The following SUN3 variants were observed in gnomAD, a reference collection of about 807,000 sequenced individuals.
SUN3 encodes SUN domain-containing protein 3.
SUN3 carries 36 observed loss-of-function variants against 48.2 expected under a neutral mutation model. That is an observed-to-expected ratio of 0.75 (90% CI 0.57 to 0.99). SUN3 has a LOEUF of 0.99. Among genes scored for constraint, SUN3 ranks in the 50% least tolerant of loss-of-function variants. The pLI is 0.00. For synonymous variants in SUN3, 148 were observed against 147.9 expected (o/e 1.00, Z 0.00); for missense variants, 419 against 433.1 (o/e 0.97, Z 0.29).
intron 2 of SUN3, among the ~76,000 whole-genome samples, chr7:48,023,002 G>A (rs1790042425): frequency 6.6e-6 from 1 of 152,132 alleles, no homozygotes. Context: ...TTCAGGAAGT[G>A]CTAAAGGGAT....
intron 6 of SUN3, among the ~76,000 whole-genome samples, chr7:47,999,718 A>G (rs1486801175): frequency 6.6e-6 from 1 of 152,008 alleles, no homozygotes; most frequent in Non-Finnish European, 1.5e-5. Flanking sequence ...TATTTTTAGT[A>G]CAGCCGGGGT....
intron 6 of SUN3, among the ~76,000 whole-genome samples, chr7:48,002,119 G>A (rs1583755705): frequency 1.8e-5 from 2 of 109,140 alleles, no homozygotes; most frequent in East Asian, 2.8e-4. Context: ...GGTGTGAGAT[G>A]GTATCTCATT....
chr7:48,019,568 G>T (rs1022478169), intron 2 of SUN3, among the ~76,000 whole-genome samples: 6 of 151,790 alleles, frequency 4.0e-5, no homozygotes, highest in African/African-American at 1.5e-4. Context: ...AAAAAGAGAA[G>T]ATACAAATGA....
chr7:47,999,354 GA>G (rs1262728411), intron 6 of SUN3, among the ~76,000 whole-genome samples: 3 of 151,980 alleles, frequency 2.0e-5, no homozygotes, highest in Admixed American at 6.6e-5. Flanking sequence ...TACTCTGGTA[GA>G]TTTTTTTGGT....
intron 8 of SUN3, among the ~76,000 whole-genome samples, chr7:47,992,580 A>C (rs1789096356): frequency 2.6e-5 from 4 of 152,096 alleles, no homozygotes; most frequent in Non-Finnish European, 5.9e-5. Context: ...AATAAATTAG[A>C]CAGTAAGTTG....
intron 7 of SUN3, among the ~76,000 whole-genome samples, chr7:47,995,540 A>T (rs1480840330): frequency 3.3e-5 from 5 of 152,212 alleles, no homozygotes; most frequent in African/African-American, 1.2e-4. Context: ...CTGTCTATTG[A>T]TGGCTACTGC....
chr7:48,031,346 C>T (rs1472497902), upstream of SUN3, among the ~76,000 whole-genome samples: 1 of 152,162 alleles, frequency 6.6e-6, no homozygotes, highest in Non-Finnish European at 1.5e-5. Flanking sequence ...CACCTCACAG[C>T]TGTTAGGATG....
At chr7:47,991,979 C>A (rs1271912260) in intron 8 of SUN3, among the ~76,000 whole-genome samples, 1 of 152,142 alleles carries the variant, frequency 6.6e-6, no homozygotes, top group Non-Finnish European at 1.5e-5. Flanking sequence ...AAGAGCATGG[C>A]CTCTGCACAA....
intron 3 of SUN3, among the ~76,000 whole-genome samples, chr7:48,015,685 C>T (rs1328634279): frequency 6.6e-6 from 1 of 152,168 alleles, no homozygotes; most frequent in African/African-American, 2.4e-5. Flanking sequence ...TCCATCTTCC[C>T]CCAGAGCAGC....
chr7:48,025,162 C>T (rs1790100841), intron 2 of SUN3, among the ~76,000 whole-genome samples: 2 of 151,992 alleles, frequency 1.3e-5, no homozygotes, highest in South Asian at 4.2e-4. Context: ...TCTAAATGTC[C>T]ATGAATAGAT....
At chr7:48,007,690 A>G (rs1335824370) in intron 4 of SUN3, among the ~76,000 whole-genome samples, 3 of 152,178 alleles carry the variant, frequency 2.0e-5, no homozygotes, top group Non-Finnish European at 2.9e-5. Context: ...TGTAGTACAG[A>G]GCAGTGGCTT....
At chr7:48,021,030 A>G (rs1789979866) in intron 2 of SUN3, among the ~76,000 whole-genome samples, 3 of 152,218 alleles carry the variant, frequency 2.0e-5, no homozygotes, top group Admixed American at 2.0e-4. Context: ...TTCAAATTAT[A>G]CTACAGAGCT....
At chr7:48,035,712 G>A in the SUN3 span, 8 of 588,486 alleles carry the variant, frequency 1.4e-5, no homozygotes, top group African/African-American at 1.4e-4. The surrounding 1 kb of genome is among the most constrained non-coding windows in gnomAD (Gnocchi z 4.0). Context: ...TCGCAGTGCG[G>A]GCAGTGCGCG....
rs145833872 is a variant in SUN3, at chr7:48,007,275, C to A, written c.382G>T (p.Glu128Ter). ...AATGCCTTCAGGACATCTATTTGTT[C>A]GATCAAAAATAGAATTTGACGAAAA... ...NNFRQILFLI[E>*]QIDVLKALLR... The change falls in exon 5 of 10, where the codon GAA becomes TAA. Residue 128 changes from glutamate (E) to a stop codon, truncating the protein, a stop_gained. Coordinates refer to ENST00000297325, the MANE Select transcript of SUN3 (RefSeq NM_001030019.2). LOFTEE classifies it high-confidence loss of function. 6.2e-7 allele frequency: 1 copy of A among 1,613,926 alleles called. No homozygotes were observed. Among genetic ancestry groups the A allele is most frequent in the East Asian group, 2.2e-5 (1 of 44,876 alleles).
At chr7:48,000,441 C>G (rs1013031135) in intron 6 of SUN3, among the ~76,000 whole-genome samples, 1 of 152,232 alleles carries the variant, frequency 6.6e-6, no homozygotes, top group Non-Finnish European at 1.5e-5. Context: ...GCCGGGCCAC[C>G]TCATCTTTAC....
intron 6 of SUN3, 82 bp downstream of exon 6, chr7:48,005,887 A>G: frequency 1.3e-6 from 1 of 766,126 alleles, no homozygotes; most frequent in Non-Finnish European, 2.0e-6. Context: ...TGTTTTCCTC[A>G]TAAACAAATG....
At chr7:48,009,190 G>T in intron 3 of SUN3, 115 bp from the exon 4 acceptor site, 2 of 1,010,180 alleles carry the variant, frequency 2.0e-6, no homozygotes, top group Non-Finnish European at 2.9e-6. Context: ...ATACAGATGT[G>T]CTGGCTGGAA....
intron 6 of SUN3, among the ~76,000 whole-genome samples, chr7:48,001,816 G>T (rs537102448): frequency 1.3e-5 from 2 of 152,286 alleles, no homozygotes; most frequent in African/African-American, 4.8e-5. Context: ...GATTACAGGC[G>T]TGAGCCACCG....
At chr7:48,030,108 A>G (rs1354966876), upstream of SUN3, among the ~76,000 whole-genome samples, 1 of 152,152 alleles carries the variant, frequency 6.6e-6, no homozygotes, top group East Asian at 1.9e-4. Flanking sequence ...TTTTCTTAGA[A>G]TGGTCCACCT....
Sources: gnomAD v4.1 joint callset for allele counts (sites outside exome capture counted in the v4.1 genomes callset) on GRCh38, gnomAD v4.1.1 for gene constraint, Gnocchi (gnomAD v3.1) non-coding constraint, MANE v1.5 for transcripts, NCBI Gene and HGNC (gene_info 2026-07-23, HGNC 2026-07-21) for gene names.